DIP2C: variants seen among roughly 807,000 people sequenced by gnomAD.
The protein encoded by DIP2C is disco-interacting protein 2 homolog C.
A neutral mutation model predicts 192.4 loss-of-function variants in DIP2C; 33 were observed. The ratio of observed to expected loss-of-function variants is 0.17; its 90% confidence interval spans 0.13 to 0.23. The LOEUF (loss-of-function observed/expected upper bound fraction) is 0.23, where lower values mean the gene tolerates loss of function less well. DIP2C is among the 10% of genes least tolerant of loss of function. The pLI is 1.00. For synonymous variants in DIP2C, 979 were observed against 864.1 expected, an observed-to-expected ratio of 1.13 and a Z score of -2.33; for missense variants, 1,537 against 2,110.1, an observed-to-expected ratio of 0.73 and a Z score of 5.32.
intron 1 of DIP2C, among the ~76,000 whole-genome samples, chr10:533,206 T>A (rs556858003): frequency 6.6e-6 from 1 of 152,166 alleles, no homozygotes; most frequent in South Asian, 2.1e-4. Context: ...CAGCAGCATC[T>A]CCGGTATGAG....
chr10:303,013 G>A (rs916495953), intron 32 of DIP2C, among the ~76,000 whole-genome samples: 1 of 152,074 alleles, frequency 6.6e-6, no homozygotes, highest in Non-Finnish European at 1.5e-5. Flanking sequence ...CTGTAGGTTC[G>A]TAAACACCGT....
intron 1 of DIP2C, among the ~76,000 whole-genome samples, chr10:638,133 T>C (rs1854941072): frequency 6.6e-6 from 1 of 152,136 alleles, no homozygotes. Flanking sequence ...TCTGAGAACA[T>C]GTTCTCAAGT....
At chr10:478,016 G>A (rs1190600043) in intron 2 of DIP2C, among the ~76,000 whole-genome samples, 2 of 16,580 alleles carry the variant, frequency 1.2e-4, no homozygotes, top group East Asian at 2.0e-3. Flanking sequence ...AAAGAGGGGA[G>A]GGGAGGGGAG....
intron 32 of DIP2C, among the ~76,000 whole-genome samples, chr10:299,060 A>G (rs966548295): frequency 1.3e-5 from 2 of 152,246 alleles, no homozygotes; most frequent in Admixed American, 1.3e-4. Context: ...CAGTATAAAG[A>G]ACACTTCTAA....
chr10:417,804 A>G lies in DIP2C; in HGVS notation c.739+1261T>C, dbSNP rs868045885. ...AGGGCTCGGATAGGCCTCCCTGTCC[A>G]CCTGTTCCTGTCAGGGCGCGGACAG... On this transcript the variant is annotated intron_variant, in intron 6 of 36. Transcript: ENST00000280886. Among the ~76,000 whole-genome samples the G allele has an allele frequency of 1.6e-3, 125 of 78,312 alleles. 33 individuals are homozygous for G. Among genetic ancestry groups the G allele is most frequent in the African/African-American group, 6.3e-3 (88 of 13,968 alleles). 51.4% of individuals were successfully genotyped at this position (78,312 alleles called of 152,430 possible).
intron 34 of DIP2C, among the ~76,000 whole-genome samples, chr10:285,885 G>A (rs776672692): frequency 6.6e-5 from 10 of 152,244 alleles, no homozygotes; most frequent in Non-Finnish European, 1.3e-4. Flanking sequence ...TGATGCTGTT[G>A]TTTGTACACT....
At chr10:617,305 C>T (rs1377994268) in intron 1 of DIP2C, among the ~76,000 whole-genome samples, 3 of 152,100 alleles carry the variant, frequency 2.0e-5, no homozygotes, top group Admixed American at 6.5e-5. Context: ...CTAGGGCCAA[C>T]GTCCTGGCTG....
intron 3 of DIP2C, among the ~76,000 whole-genome samples, chr10:448,619 C>T (rs1968542910): frequency 7.2e-6 from 1 of 139,846 alleles, no homozygotes; most frequent in South Asian, 2.4e-4. Context: ...CCACTCACTC[C>T]CGTCGATACT....
At chr10:472,114 AAAG>A (rs1398506836) in intron 3 of DIP2C, among the ~76,000 whole-genome samples, 2 of 152,212 alleles carry the variant, frequency 1.3e-5, no homozygotes, top group Non-Finnish European at 2.9e-5. Context: ...ATGGTAAGAA[AAAG>A]AAAAAACTAT....
intron 1 of DIP2C, among the ~76,000 whole-genome samples, chr10:617,085 A>G (rs1001469663): frequency 5.9e-5 from 9 of 152,302 alleles, no homozygotes; most frequent in African/African-American, 1.7e-4. Flanking sequence ...CGGGGTTCAC[A>G]GGCCCAGAGG....
rs887022859 is a variant in DIP2C, at chr10:573,765, T to TA, written c.86-87236dup. Among the ~76,000 whole-genome samples, 166 of 151,164 alleles carry TA rather than the reference T, an allele frequency of 1.1e-3. 1 individual carries two copies. The highest frequency in any genetic ancestry group is 6.1e-3 in the South Asian group (29 of 4,784). ...TGTGCTTCAGAGTCTTGTAGGTACT[T>TA]AAAAAAAAAGAACAAGTAATTGTGT... On this transcript the variant is annotated intron_variant, in intron 1 of 36. Coordinates refer to ENST00000280886, the MANE Select transcript of DIP2C (RefSeq NM_014974.3).
intron 1 of DIP2C, chr10:665,206 T>C (rs907985286): frequency 6.6e-6 from 1 of 152,236 alleles, no homozygotes; most frequent in Admixed American, 6.5e-5. Context: ...ATTTTTTGCT[T>C]TGGATGGTTC....
intron 4 of DIP2C, among the ~76,000 whole-genome samples, chr10:427,481 G>A (rs116174374): frequency 1.9e-3 from 284 of 152,274 alleles, no homozygotes; most frequent in African/African-American, 6.0e-3. Flanking sequence ...AGAACAGTTT[G>A]TCCTTTCACT....
chr10:485,354 C>T (rs1002740949), intron 2 of DIP2C, among the ~76,000 whole-genome samples: 1 of 152,200 alleles, frequency 6.6e-6, no homozygotes, highest in Non-Finnish European at 1.5e-5. Context: ...ATCAGGGGAT[C>T]TACCCAGCAC....
At chr10:463,824 T>G (rs1371744392) in intron 3 of DIP2C, among the ~76,000 whole-genome samples, 1 of 152,052 alleles carries the variant, frequency 6.6e-6, no homozygotes, top group Non-Finnish European at 1.5e-5. Flanking sequence ...AACAGAGGCC[T>G]CAGAAAAGAA....
chr10:316,401 T>C (rs996895203), intron 31 of DIP2C, among the ~76,000 whole-genome samples: 18 of 152,198 alleles, frequency 1.2e-4, no homozygotes, highest in Admixed American at 1.1e-3. Flanking sequence ...TTCCAAACAG[T>C]AGGAGACCTT....
intron 9 of DIP2C, among the ~76,000 whole-genome samples, chr10:401,759 G>A (rs1279303659): frequency 6.7e-6 from 1 of 150,004 alleles, no homozygotes; most frequent in Non-Finnish European, 1.5e-5. Context: ...ACGTGTGGCA[G>A]CATTAGCATT....
At position 401,658 on chromosome 10, in the gene DIP2C, A is replaced by G. The variant is rs80299060; in HGVS notation, c.1150-2439T>C. On this transcript the variant is annotated intron_variant, in intron 9 of 36. Transcript: ENST00000280886. ...ACATTTTCATCAGCACATGAATCCT[A>G]TGATTTTACATGTGTGGTAGCATTA... Among the ~76,000 whole-genome samples the G allele has an allele frequency of 6.9e-3, 847 of 123,438 alleles. 13 individuals carry two copies. Among genetic ancestry groups the G allele is most frequent in the African/African-American group, 0.02 (610 of 29,758 alleles). 81.0% of individuals were successfully genotyped at this position (123,438 alleles called of 152,430 possible). A position where few individuals can be genotyped will look rare whatever the true frequency, so the allele number is the denominator to read the frequency against.
At chr10:497,682 C>A (rs117362082) in intron 1 of DIP2C, among the ~76,000 whole-genome samples, 1 of 152,192 alleles carries the variant, frequency 6.6e-6, no homozygotes, top group Non-Finnish European at 1.5e-5. Flanking sequence ...CTCTGACACA[C>A]GTAAGACCAT....
Sources: allele counts gnomAD v4.1 joint callset (sites outside exome capture counted in the v4.1 genomes callset), GRCh38; gene constraint gnomAD v4.1.1; transcripts MANE v1.5; gene names NCBI Gene and HGNC (gene_info 2026-07-23, HGNC 2026-07-21).